MIR2052HG: variants seen among roughly 807,000 people sequenced by gnomAD.
MIR2052HG encodes the protein MIR2052 host gene.
At chr8:74,698,565 C>T (rs1809324636) in intron 2 of MIR2052HG, among the ~76,000 whole-genome samples, 1 of 152,156 alleles carries the variant, frequency 6.6e-6, no homozygotes, top group Non-Finnish European at 1.5e-5. Context: ...GCAAAGTAAA[C>T]AGATAACCCA....
intron 2 of MIR2052HG, among the ~76,000 whole-genome samples, chr8:74,667,946 G>A (rs1395857637): frequency 6.6e-6 from 1 of 151,786 alleles, no homozygotes; most frequent in Non-Finnish European, 1.5e-5. Context: ...AAGTCCAGAT[G>A]TTGTCAGGCA....
In MIR2052HG at chr8:74,624,713, C is replaced by A. The variant is rs1432707584; in HGVS notation, n.216+11773C>A. Among the ~76,000 whole-genome samples, 4 of 152,134 alleles carry A rather than the reference C, an allele frequency of 2.6e-5. 1 individual carries two copies. Among genetic ancestry groups the A allele is most frequent in the African/African-American group, 7.2e-5 (3 of 41,414 alleles). ...GGCATTTTCCCTTAAAATTTTCAGG[C>A]CTCCTGGCACTTGTGCATTTATTTG... On this transcript the variant is annotated intron_variant and non_coding_transcript_variant, in intron 2 of 6. Transcript: ENST00000523442.
intron 2 of MIR2052HG, chr8:74,613,062 TGA>T (rs889651277): frequency 5.8e-5 from 21 of 360,320 alleles, no homozygotes; most frequent in Non-Finnish European, 1.0e-4. Context: ...GCGTTGCTGA[TGA>T]GAGAGGCCAC....
chr8:74,687,143 G>T (rs1809189157), intron 2 of MIR2052HG, among the ~76,000 whole-genome samples: 1 of 152,074 alleles, frequency 6.6e-6, no homozygotes, highest in South Asian at 2.1e-4. Context: ...AAAACTATGA[G>T]AATTTATCAC....
At chr8:74,659,216 G>A (rs1046074202) in intron 2 of MIR2052HG, among the ~76,000 whole-genome samples, 2 of 152,116 alleles carry the variant, frequency 1.3e-5, no homozygotes, top group African/African-American at 2.4e-5. Flanking sequence ...AAGACTCAAC[G>A]GGCTTCTTGG....
intron 2 of MIR2052HG, among the ~76,000 whole-genome samples, chr8:74,691,219 G>C (rs1456212943): frequency 3.3e-4 from 50 of 152,230 alleles, no homozygotes; most frequent in Admixed American, 3.3e-3. Flanking sequence ...TGATGGCCAT[G>C]ATGTGTGTTG....
intron 2 of MIR2052HG, among the ~76,000 whole-genome samples, chr8:74,635,142 A>G (rs1401838698): frequency 6.6e-6 from 1 of 152,192 alleles, no homozygotes; most frequent in Non-Finnish European, 1.5e-5. Flanking sequence ...CATTTGACTG[A>G]ATACTTATAA....
At chr8:74,676,536 C>T (rs1012616405) in intron 2 of MIR2052HG, among the ~76,000 whole-genome samples, 6 of 150,830 alleles carry the variant, frequency 4.0e-5, no homozygotes, top group African/African-American at 1.2e-4. Context: ...CAAAACTAAC[C>T]AATCCAAAAA....
chr8:74,711,142 A>C (rs1291058432), intron 4 of MIR2052HG, among the ~76,000 whole-genome samples: 1 of 152,202 alleles, frequency 6.6e-6, no homozygotes, highest in Non-Finnish European at 1.5e-5. Context: ...AAACATGAAC[A>C]CAAACTTTGC....
chr8:74,610,141 A>G (rs1808171942), intron 1 of MIR2052HG: 2 of 151,896 alleles, frequency 1.3e-5, no homozygotes, highest in African/African-American at 2.4e-5. Context: ...ATTCTATGGA[A>G]TCTTCAAAAG....
chr8:74,729,109 GAATAACTGGCTCCAACAATCACATC>G (rs1445509676), intron 4 of MIR2052HG, among the ~76,000 whole-genome samples: 1 of 152,126 alleles, frequency 6.6e-6, no homozygotes, highest in Non-Finnish European at 1.5e-5. Context: ...AGTCGCAAAC[GAATAACTGGCTCCAACAATCACATC>G]ACTGTAATTG....
chr8:74,735,859 A>G (rs1809739838), intron 4 of MIR2052HG, among the ~76,000 whole-genome samples: 1 of 152,206 alleles, frequency 6.6e-6, no homozygotes. Flanking sequence ...GTTTAGAATG[A>G]GGTTTATAAC....
chr8:74,616,279 T>C lies in MIR2052HG; in HGVS notation n.216+3339T>C, dbSNP rs527539150. Among the ~76,000 whole-genome samples, 252 of 151,598 alleles carry C rather than the reference T, an allele frequency of 1.7e-3. 1 individual carries two copies. The highest frequency in any genetic ancestry group is 5.8e-3 in the African/African-American group (238 of 41,364). On this transcript the variant is annotated intron_variant and non_coding_transcript_variant, in intron 2 of 6. Coordinates refer to ENST00000523442, the Ensembl canonical transcript of MIR2052HG. Reference sequence around the variant, plus strand: ...CCACATCCTCTCCAGAACCTGTTGTTTCCTGACTTTTTAATGATCGCCATT... The same window carrying C: ...CCACATCCTCTCCAGAACCTGTTGTCTCCTGACTTTTTAATGATCGCCATT...
intron 4 of MIR2052HG, among the ~76,000 whole-genome samples, chr8:74,749,900 C>G (rs1809927289): frequency 6.7e-6 from 1 of 148,420 alleles, no homozygotes; most frequent in African/African-American, 2.5e-5. Context: ...AGCACTTTGA[C>G]ATACATTTTG....
intron 1 of MIR2052HG, among the ~76,000 whole-genome samples, chr8:74,606,579 G>A (rs1017522514): frequency 6.6e-6 from 1 of 152,192 alleles, no homozygotes; most frequent in African/African-American, 2.4e-5. Flanking sequence ...GTAGATTGCA[G>A]TAAGTTAAAA....
intron 4 of MIR2052HG, among the ~76,000 whole-genome samples, chr8:74,751,115 C>T (rs1283923586): frequency 6.6e-6 from 1 of 152,200 alleles, no homozygotes; most frequent in Admixed American, 6.5e-5. Context: ...GTGGCACTTA[C>T]GGTCGTTTGC....
At chr8:74,608,685 A>T (rs1238648635) in intron 1 of MIR2052HG, among the ~76,000 whole-genome samples, 1 of 152,098 alleles carries the variant, frequency 6.6e-6, no homozygotes, top group Non-Finnish European at 1.5e-5. Flanking sequence ...AATATTTGAA[A>T]ATTATAAAGA....
intron 2 of MIR2052HG, among the ~76,000 whole-genome samples, chr8:74,683,525 G>A (rs1809147287): frequency 6.6e-6 from 1 of 152,096 alleles, no homozygotes; most frequent in Non-Finnish European, 1.5e-5. Flanking sequence ...TACCTTTGCT[G>A]TTGGCATCCT....
intron 4 of MIR2052HG, among the ~76,000 whole-genome samples, chr8:74,748,830 C>T (rs1414705706): frequency 6.6e-6 from 1 of 152,092 alleles, no homozygotes; most frequent in Non-Finnish European, 1.5e-5. Flanking sequence ...TTGCTTTCTA[C>T]CACTTCCATG....
Sources: allele counts gnomAD v4.1 joint callset (sites outside exome capture counted in the v4.1 genomes callset), GRCh38; gene constraint gnomAD v4.1.1; transcripts MANE v1.5; gene names NCBI Gene and HGNC (gene_info 2026-07-23, HGNC 2026-07-21).